Variants in KIR3DL2 observed in about 807,000 individuals in gnomAD.
KIR3DL2 encodes the protein killer cell immunoglobulin-like receptor 3DL2.
KIR3DL2 carries 42 observed loss-of-function variants against 41.6 expected under a neutral mutation model. The observed-to-expected ratio is 1.01, with a 90% confidence interval of 0.79 to 1.31. The LOEUF (loss-of-function observed/expected upper bound fraction) is 1.31. Ranked by LOEUF, KIR3DL2 falls within the 50% of genes most tolerant of loss-of-function variation. The pLI is 0.00. For synonymous variants in KIR3DL2, 230 were observed against 221.3 expected (o/e 1.04, Z -0.35); for missense variants, 728 against 576.8 (o/e 1.26, Z -2.68).
intron 5 of KIR3DL2, among the ~76,000 whole-genome samples, chr19:54,856,294 T>TTC (rs2064773152): frequency 6.6e-6 from 1 of 151,828 alleles, no homozygotes; most frequent in African/African-American, 2.4e-5. Flanking sequence ...CTACACTCTT[T>TTC]TCTTTTCATT....
chr19:54,856,026 GGT>G, intron 5 of KIR3DL2, 114 bp downstream of exon 5: 1 of 1,315,272 alleles, frequency 7.6e-7, no homozygotes, highest in Non-Finnish European at 1.0e-6. Context: ...ACGAAGACTG[GGT>G]GTGAGGGGGG....
chr19:54,852,382 T>A, intron 3 of KIR3DL2, 100 bp downstream of exon 3: 4 of 1,499,068 alleles, frequency 2.7e-6, no homozygotes, highest in Non-Finnish European at 3.6e-6. Context: ...AGGCCCCAAC[T>A]GTATTTGGGG....
intron 1 of KIR3DL2, 80 bp downstream of exon 1, chr19:54,850,589 G>T: frequency 6.4e-7 from 1 of 1,550,572 alleles, no homozygotes; most frequent in Non-Finnish European, 8.8e-7. Context: ...GGCCTGGAGT[G>T]GAGATATGGG....
At chr19:54,863,818 CT>C (rs2065336226) in intron 6 of KIR3DL2, among the ~76,000 whole-genome samples, 1 of 151,992 alleles carries the variant, frequency 6.6e-6, no homozygotes, top group African/African-American at 2.4e-5. Flanking sequence ...TCTGTTCACT[CT>C]GATGGTAGTT....
chr19:54,859,794 G>C (rs1205207109), intron 6 of KIR3DL2, among the ~76,000 whole-genome samples: 2 of 152,006 alleles, frequency 1.3e-5, no homozygotes, highest in African/African-American at 2.4e-5. Context: ...GTGACAGCAA[G>C]GCTGCCTTCC....
At position 54,852,128 on chromosome 19, in the gene KIR3DL2, C is replaced by T. The variant is rs766660967; in HGVS notation, c.201C>T (p.His67=). 8 of 1,612,946 alleles carry T rather than the reference C, an allele frequency of 5.0e-6. No homozygotes were observed. The highest frequency in any genetic ancestry group is 2.2e-5 in the South Asian group (2 of 91,068). ...TGCTGTACAAAGAAGACAGAAGCCA[C>T]GTTCCCATCTTCCACGGCAGAATAT... ...NFMLYKEDRS[H]VPIFHGRIFQ... is the part of the protein sequence containing the mutation. The change falls in exon 3 of 9, where the codon CAC becomes CAT. Residue 67 remains histidine (H), a synonymous_variant. Coordinates refer to ENST00000326321, the MANE Select transcript of KIR3DL2 (RefSeq NM_006737.4).
chr19:54,861,965 A>C (rs1327697698), intron 6 of KIR3DL2, among the ~76,000 whole-genome samples: 1 of 151,948 alleles, frequency 6.6e-6, no homozygotes, highest in Non-Finnish European at 1.5e-5. Context: ...GGAGATACAG[A>C]TAGATCATGG....
Position 54,867,033 on chromosome 19 carries a change from A to C in KIR3DL2, c.*302A>C. The C allele has an allele frequency of 6.4e-6, 3 of 467,838 alleles. No individual in the cohort carries two copies. The highest frequency in any genetic ancestry group is 3.9e-5 in the East Asian group (1 of 25,390). 29.0% of individuals were successfully genotyped at this position (467,838 alleles called of 1,614,324 possible). A position where few individuals can be genotyped will look rare whatever the true frequency, so the allele number is the denominator to read the frequency against. ...CACTGAGGAACTCACAATTCCAAAC[A>C]TACAAGAGGCTCCCTCTTAACACGG... On this transcript the variant is annotated 3_prime_UTR_variant, in exon 9 of 9. Coordinates refer to ENST00000326321, the MANE Select transcript of KIR3DL2 (RefSeq NM_006737.4).
At chr19:54,857,431 A>G (rs1401440583) in intron 5 of KIR3DL2, among the ~76,000 whole-genome samples, 13 of 151,316 alleles carry the variant, frequency 8.6e-5, no homozygotes, top group African/African-American at 3.2e-4. Flanking sequence ...TTTTCTCCAT[A>G]ATAGTTGTAC....
rs775920956 is a variant in KIR3DL2 at position 54,866,823 on chromosome 19, G to A, written c.*92G>A. On this transcript the variant is annotated 3_prime_UTR_variant, in exon 9 of 9. Coordinates refer to ENST00000326321, the MANE Select transcript of KIR3DL2 (RefSeq NM_006737.4). The stretch of plus-strand genomic sequence containing the variant: ...GCATCAGTCTGCATCTTAGGGGATC[G>A]CTCTTCCTCACACCACGAATCTGAA... 29 of 1,359,688 alleles carry A rather than the reference G, an allele frequency of 2.1e-5. No individual in the cohort carries two copies. The highest frequency in any genetic ancestry group is 2.9e-5 in the Non-Finnish European group (28 of 966,854). 84.2% of individuals were successfully genotyped at this position (1,359,688 alleles called of 1,614,324 possible). A position where few individuals can be genotyped will look rare whatever the true frequency, so the allele number is the denominator to read the frequency against.
In KIR3DL2 at chr19:54,865,801, C is replaced by T. The variant is rs759606315; in HGVS notation, c.1001-4C>T. On this transcript the variant is annotated splice_region_variant and splice_polypyrimidine_tract_variant and intron_variant, in intron 6 of 8. Coordinates refer to ENST00000326321, the MANE Select transcript of KIR3DL2 (RefSeq NM_006737.4). ...CTTCTTATTGGATTCCCATCTTCCT[C>T]CAGGTATCTGCAGACACCTGCATGT... 1.4e-4 allele frequency: 231 copies of T among 1,604,128 alleles called. No individual in the cohort carries two copies. Among genetic ancestry groups the T allele is most frequent in the Non-Finnish European group, 1.9e-4 (219 of 1,171,198 alleles).
chr19:54,854,976 T>C (rs1470856433), intron 4 of KIR3DL2, among the ~76,000 whole-genome samples: 1 of 151,074 alleles, frequency 6.6e-6, no homozygotes, highest in Non-Finnish European at 1.5e-5. Context: ...AGATGATAAA[T>C]AGGTAGATGA....
At chr19:54,854,947 T>G (rs1444430728) in intron 4 of KIR3DL2, among the ~76,000 whole-genome samples, 2 of 151,266 alleles carry the variant, frequency 1.3e-5, no homozygotes, top group African/African-American at 4.9e-5. Flanking sequence ...AGATGATAGA[T>G]GGATAGATAG....
chr19:54,855,545 GTTCTCAGC>G, intron 4 of KIR3DL2, 66 bp from the exon 5 acceptor site: 3 of 1,562,170 alleles, frequency 1.9e-6, no homozygotes, highest in Non-Finnish European at 2.6e-6. Context: ...AGGGGAGTGA[GTTCTCAGC>G]TCAGGTATGA....
Position 54,866,638 on chromosome 19 carries a change from C to A in KIR3DL2, c.1275C>A (p.Thr425=), listed in dbSNP as rs780461738. The change falls in exon 9 of 9, where the codon ACC becomes ACA. Residue 425 remains threonine, a synonymous_variant. Transcript: ENST00000326321. ...SQRPKTPLTD[T]SVYTELPNAE... is the part of the protein sequence containing the mutation. ...GGCCCAAGACACCCCTAACAGATACCAGCGTGTACACGGAACTTCCAAATG... is the reference window on the plus strand; with the variant it reads ...GGCCCAAGACACCCCTAACAGATACAAGCGTGTACACGGAACTTCCAAATG... The A allele has an allele frequency of 6.2e-7, 1 of 1,613,984 alleles. No homozygotes were observed. Among genetic ancestry groups the A allele is most frequent in the Non-Finnish European group, 8.5e-7 (1 of 1,179,978 alleles).
At chr19:54,853,313 T>A (rs2064448061) in intron 3 of KIR3DL2, among the ~76,000 whole-genome samples, 1 of 151,458 alleles carries the variant, frequency 6.6e-6, no homozygotes, top group African/African-American at 2.4e-5. Context: ...AGGCTCCCAA[T>A]CCCCATCAGG....
chr19:54,865,514 C>T lies in KIR3DL2; in HGVS notation c.1001-291C>T, dbSNP rs555370609. ...TCATGATGGATCCACCTCCATGACT[C>T]AAACACCTTCCCATAGGCCCAAACT... On this transcript the variant is annotated intron_variant, in intron 6 of 8. Coordinates refer to ENST00000326321, the MANE Select transcript of KIR3DL2 (RefSeq NM_006737.4). Among the ~76,000 whole-genome samples, 210 of 152,250 alleles carry T rather than the reference C, an allele frequency of 1.4e-3. 2 individuals carry two copies. The highest frequency in any genetic ancestry group is 2.2e-3 in the Non-Finnish European group (152 of 68,002).
intron 7 of KIR3DL2, 80 bp from the exon 8 acceptor site, chr19:54,866,290 C>T: frequency 5.5e-6 from 8 of 1,452,434 alleles, no homozygotes; most frequent in South Asian, 1.2e-5. Flanking sequence ...ACAGCCTCCC[C>T]CTGTGGGTTG....
chr19:54,855,059 T>A lies in KIR3DL2; in HGVS notation c.656-560T>A, dbSNP rs967050163. ...TACATAGAGATGATGATGATGATGA[T>A]GAAGATAGATAGAAGACACATATAT... On this transcript the variant is annotated intron_variant, in intron 4 of 8. Transcript: ENST00000326321. 9.1e-5 allele frequency among the ~76,000 whole-genome samples: 6 copies of A among 65,714 alleles called. 1 individual carries two copies. Among genetic ancestry groups the A allele is most frequent in the African/African-American group, 1.2e-4 (2 of 16,418 alleles). The allele number at this position is 65,714 out of a possible 152,430, so 43.1% of individuals were successfully genotyped here.
Sources: allele counts gnomAD v4.1 joint callset (sites outside exome capture counted in the v4.1 genomes callset), GRCh38; gene constraint gnomAD v4.1.1; transcripts MANE v1.5; gene names NCBI Gene and HGNC (gene_info 2026-07-23, HGNC 2026-07-21).